The following HACL1 variants were observed in gnomAD, a reference collection of about 807,000 sequenced individuals.
HACL1 encodes the protein 2-hydroxyacyl-CoA lyase 1, also known as 1600020H07Rik.
A neutral mutation model predicts 74.2 loss-of-function variants in HACL1; 64 were observed. The ratio of observed to expected loss-of-function variants is 0.86; its 90% CI spans 0.70 to 1.06. The LOEUF (loss-of-function observed/expected upper bound fraction) is 1.06. HACL1 is among the 50% of genes least tolerant of loss of function. The pLI is 0.00. For synonymous variants in HACL1, 230 were observed against 238.8 expected (o/e 0.96, Z 0.34); for missense variants, 728 against 719.7 (o/e 1.01, Z -0.13).
intron 2 of HACL1, among the ~76,000 whole-genome samples, chr3:15,600,464 C>T (rs6773994): frequency 0.28 from 42,785 of 152,184 alleles, 9,454 homozygotes; most frequent in African/African-American, 0.59. Flanking sequence ...ATTGACAAAA[C>T]GTCGTATCTT....
chr3:15,591,964 A>AGT (rs1286296009), intron 3 of HACL1, among the ~76,000 whole-genome samples: 3 of 149,274 alleles, frequency 2.0e-5, no homozygotes, highest in South Asian at 4.2e-4. Flanking sequence ...CTATATACAT[A>AGT]GTGTATATAT....
At chr3:15,577,073 TA>T (rs912346844) in intron 9 of HACL1, among the ~76,000 whole-genome samples, 1 of 152,278 alleles carries the variant, frequency 6.6e-6, no homozygotes, top group South Asian at 2.1e-4. Flanking sequence ...AACCTAAGTA[TA>T]AAAAAATTAA....
intron 10 of HACL1, among the ~76,000 whole-genome samples, chr3:15,574,402 G>C (rs1234995842): frequency 1.3e-5 from 2 of 152,116 alleles, no homozygotes; most frequent in African/African-American, 4.8e-5. Flanking sequence ...AAGTAAAATG[G>C]GGCGAATCCG....
In HACL1 at chr3:15,571,764, T is replaced by A; in HGVS notation, c.999A>T (p.Leu333Phe). The change falls in exon 12 of 17, where the codon TTA becomes TTT. Residue 333 changes from leucine to phenylalanine, a missense_variant. By Grantham distance (22) the Leu-to-Phe change is conservative (BLOSUM62 0). Transcript: ENST00000321169. ...GCCATGGTGTTTTATCAAGTTCCTCTAAAAGCTTAAAAAAAAAAAAACACA... is the reference window on the plus strand; with the variant it reads ...GCCATGGTGTTTTATCAAGTTCCTCAAAAAGCTTAAAAAAAAAAAAACACA... ...GNIHAVTKQLLEELDKTPWQY... is the reference protein window; with the variant it reads ...GNIHAVTKQLFEELDKTPWQY... The A allele has an allele frequency of 9.7e-7, 1 of 1,027,156 alleles. No individual in the cohort carries two copies. 63.6% of individuals were successfully genotyped at this position (1,027,156 alleles called of 1,614,324 possible).
At chr3:15,572,538 C>T (rs558003293) in intron 11 of HACL1, among the ~76,000 whole-genome samples, 3 of 152,342 alleles carry the variant, frequency 2.0e-5, no homozygotes, top group Admixed American at 6.5e-5. Flanking sequence ...TAACCACGGA[C>T]TCCTATGGTA....
At chr3:15,592,989 T>C (rs1482306435) in intron 3 of HACL1, among the ~76,000 whole-genome samples, 1 of 130,666 alleles carries the variant, frequency 7.7e-6, no homozygotes, top group African/African-American at 2.8e-5. Flanking sequence ...TGTATACACA[T>C]GTACGCACAT....
intron 2 of HACL1, among the ~76,000 whole-genome samples, chr3:15,597,268 T>A (rs149362334): frequency 6.6e-6 from 1 of 152,348 alleles, no homozygotes; most frequent in East Asian, 1.9e-4. Context: ...TTTTTAGTGA[T>A]CTCTTATTGA....
chr3:15,583,002 A>G lies in HACL1; in HGVS notation c.555-13T>C, dbSNP rs764559109. On this transcript the variant is annotated splice_polypyrimidine_tract_variant and intron_variant, in intron 7 of 16. Coordinates refer to ENST00000321169, the MANE Select transcript of HACL1 (RefSeq NM_012260.4). ...GCGTTCCATGTACCTGGAAAAAAAG[A>G]GCCCTATTAATTAAAAGAGGCCAAC... The G allele has an allele frequency of 1.5e-6, 2 of 1,340,496 alleles. No homozygotes were observed. The highest frequency in any genetic ancestry group is 1.9e-5 in the Admixed American group (1 of 52,264). 83.0% of individuals were successfully genotyped at this position (1,340,496 alleles called of 1,614,324 possible).
At chr3:15,564,701 A>G (rs773417800) in intron 14 of HACL1, 43 bp from the exon 15 acceptor site, 1 of 799,346 alleles carries the variant, frequency 1.3e-6, no homozygotes, top group African/African-American at 1.7e-5. Flanking sequence ...TCTTCATTTT[A>G]AAGTAATTTC....
rs1024535603 is a variant in HACL1 at position 15,571,678 on chromosome 3, G to A, written c.1085C>T (p.Ala362Val). The A allele has an allele frequency of 2.1e-6, 3 of 1,408,186 alleles. No individual in the cohort carries two copies. The highest frequency in any genetic ancestry group is 1.4e-5 in the African/African-American group (1 of 70,790). 87.2% of individuals were successfully genotyped at this position (1,408,186 alleles called of 1,614,324 possible). A position where few individuals can be genotyped will look rare whatever the true frequency, so the allele number is the denominator to read the frequency against. The change falls in exon 12 of 17, where the codon GCT (alanine) becomes GTT (valine). Residue 362 changes from alanine to valine, a missense_variant. Physicochemically the swap from Ala to Val is moderately conservative, Grantham distance 64. Transcript: ENST00000321169. The stretch of plus-strand genomic sequence containing the variant: ...TAGGTCCGATTTTACCTTGGATGCA[G>A]CTTCATTGCTCTTCATTTTTTCTCT... The part of the protein sequence containing the change: ...TLREKMKSNE[A>V]ASKELASKKS...
At chr3:15,577,003 G>A (rs2063638000) in intron 9 of HACL1, among the ~76,000 whole-genome samples, 1 of 151,924 alleles carries the variant, frequency 6.6e-6, no homozygotes, top group African/African-American at 2.4e-5. Context: ...TTTTTACACT[G>A]GTAATGTCAT....
At chr3:15,573,882 C>T (rs1245536978) in intron 10 of HACL1, among the ~76,000 whole-genome samples, 2 of 152,156 alleles carry the variant, frequency 1.3e-5, no homozygotes, top group Non-Finnish European at 2.9e-5. Context: ...TTTAGCCACC[C>T]CAAAGGGGAT....
intron 3 of HACL1, among the ~76,000 whole-genome samples, chr3:15,595,466 T>C (rs186465999): frequency 0.02 from 3,004 of 152,148 alleles, 102 homozygotes; most frequent in African/African-American, 0.068. Flanking sequence ...AACTAACATA[T>C]GTGAAAAAAG....
chr3:15,586,942 C>G (rs2068906), intron 5 of HACL1, among the ~76,000 whole-genome samples: 149 of 152,268 alleles, frequency 9.8e-4, no homozygotes, highest in Non-Finnish European at 1.8e-3. Flanking sequence ...AAATTTAAAT[C>G]AGCATATCTT....
At chr3:15,567,700 C>A (rs1470615117) in intron 14 of HACL1, 144 bp downstream of exon 14, 2 of 706,338 alleles carry the variant, frequency 2.8e-6, no homozygotes, top group East Asian at 2.5e-5. Flanking sequence ...GGGTTACTGC[C>A]ACTAGCATCC....
intron 14 of HACL1, among the ~76,000 whole-genome samples, chr3:15,566,598 G>A (rs1410649770): frequency 2.0e-5 from 3 of 152,054 alleles, no homozygotes; most frequent in Admixed American, 2.0e-4. Context: ...TGACGCTGCG[G>A]TGAGCCGCAG....
intron 6 of HACL1, among the ~76,000 whole-genome samples, chr3:15,585,970 C>G (rs551123044): frequency 6.6e-6 from 1 of 152,086 alleles, no homozygotes; most frequent in Non-Finnish European, 1.5e-5. Context: ...AAATAATCAT[C>G]AGACTATGTG....
rs79627385 is a variant in HACL1, at chr3:15,572,642, A to C, written c.993+517T>G. On this transcript the variant is annotated intron_variant, in intron 11 of 16. Coordinates refer to ENST00000321169, the MANE Select transcript of HACL1 (RefSeq NM_012260.4). ...AACAATACCAAATTGTATCATCCAA[A>C]ATCAAGTGATAAATGTGACTATATT... 3.8e-4 allele frequency among the ~76,000 whole-genome samples: 58 copies of C among 152,352 alleles called. 4 individuals are homozygous for C. In the East Asian group the frequency reaches 0.011, roughly 29 times the overall value.
chr3:15,573,770 G>C (rs1161187494), intron 10 of HACL1, among the ~76,000 whole-genome samples: 2 of 152,206 alleles, frequency 1.3e-5, no homozygotes, highest in African/African-American at 2.4e-5. Flanking sequence ...ACCACATTTA[G>C]AGAACAATTC....
Sources: gnomAD v4.1 joint callset for allele counts (sites outside exome capture counted in the v4.1 genomes callset) on GRCh38, gnomAD v4.1.1 for gene constraint, MANE v1.5 for transcripts, NCBI Gene and HGNC (gene_info 2026-07-23, HGNC 2026-07-21) for gene names.